Variants in PAFAH1B1 observed in about 807,000 individuals in gnomAD.
PAFAH1B1 encodes platelet activating factor acetylhydrolase 1b regulatory subunit 1, also known as platelet-activating factor acetylhydrolase IB subunit beta.
In PAFAH1B1, 2 loss-of-function variants were observed where a neutral mutation model predicts 57.5. The ratio of observed to expected loss-of-function variants is 0.03; its 90% CI spans 0.01 to 0.11. PAFAH1B1 has a LOEUF of 0.11. PAFAH1B1 is among the 10% of genes least tolerant of loss of function. The pLI, the probability that PAFAH1B1 is intolerant of heterozygous loss-of-function variation, is 1.00. For missense variants in PAFAH1B1, 257 were observed against 512.0 expected, an observed-to-expected ratio of 0.50 and a Z score of 4.81; for synonymous variants, 152 against 169.6, an observed-to-expected ratio of 0.90 and a Z score of 0.81.
chr17:2,659,437 T>C, intron 2 of PAFAH1B1: 2 of 278,326 alleles, frequency 7.2e-6, no homozygotes, highest in Admixed American at 4.5e-5. Context: ...CTCGGGAGGC[T>C]GAGCCAGGAG....
At chr17:2,597,455 G>T (rs1211020500) in intron 1 of PAFAH1B1, among the ~76,000 whole-genome samples, 1 of 127,378 alleles carries the variant, frequency 7.9e-6, no homozygotes, top group African/African-American at 3.0e-5. Flanking sequence ...CTGTTGCCCA[G>T]GCTAGAGTGC....
chr17:2,649,595 G>A (rs2151643205), intron 2 of PAFAH1B1, among the ~76,000 whole-genome samples: 1 of 152,036 alleles, frequency 6.6e-6, no homozygotes, highest in Admixed American at 6.6e-5. Context: ...ATAATAAACT[G>A]TTCTTGTTGT....
intron 1 of PAFAH1B1, among the ~76,000 whole-genome samples, chr17:2,623,557 CA>C (rs1334543591): frequency 2.0e-5 from 3 of 148,612 alleles, no homozygotes; most frequent in Admixed American, 1.3e-4. Flanking sequence ...TGCGTCTGGC[CA>C]AAAAATGTTG....
chr17:2,674,036 G>T, intron 7 of PAFAH1B1, 24 bp from the exon 8 acceptor site: 1 of 1,504,672 alleles, frequency 6.6e-7, no homozygotes, highest in Non-Finnish European at 9.2e-7. Flanking sequence ...CATTCACAGT[G>T]TAAGTTATTA....
At chr17:2,657,708 C>A (rs141344518) in intron 2 of PAFAH1B1, among the ~76,000 whole-genome samples, 1,752 of 152,294 alleles carry the variant, frequency 0.012, 34 homozygotes, top group African/African-American at 0.04. Context: ...CATTCAGTCT[C>A]ATTTCTCTCG....
chr17:2,614,402 A>G (rs1438568478), intron 1 of PAFAH1B1, among the ~76,000 whole-genome samples: 1 of 152,164 alleles, frequency 6.6e-6, no homozygotes, highest in Non-Finnish European at 1.5e-5. Context: ...CACAAAACCT[A>G]AAATACTTAC....
At chr17:2,606,810 C>CTTTTT (rs770011553) in intron 1 of PAFAH1B1, among the ~76,000 whole-genome samples, 11 of 101,706 alleles carry the variant, frequency 1.1e-4, no homozygotes, top group East Asian at 5.5e-4. Flanking sequence ...TGCCTCAGAG[C>CTTTTT]TTTTTTTTTT....
chr17:2,622,391 A>C (rs2068435334), intron 1 of PAFAH1B1, among the ~76,000 whole-genome samples: 1 of 152,194 alleles, frequency 6.6e-6, no homozygotes, highest in Admixed American at 6.6e-5. Context: ...GGTATTGGGT[A>C]AATGCAGCCA....
At position 2,681,798 on chromosome 17, in the gene PAFAH1B1, G is replaced by A. The variant is rs1377109322; in HGVS notation, c.1229G>A (p.Arg410His). 3.1e-6 allele frequency: 5 copies of A among 1,610,058 alleles called. No individual in the cohort carries two copies. Among genetic ancestry groups the A allele is most frequent in the Non-Finnish European group, 3.4e-6 (4 of 1,178,110 alleles). Residue 410 changes from arginine (R) to histidine (H), a missense_variant, in exon 11 of 11, where the codon CGT becomes CAT. Arg to His is a conservative substitution (Grantham distance 29, BLOSUM62 0). Transcript: ENST00000397195. ...CAAACAGTAAAAGTGTGGGAGTGCC[G>A]TTGATTGTGTCTCCTTCGGCCCCTC... ...VDQTVKVWEC[R>H] is the part of the protein sequence containing the mutation.
chr17:2,676,925 G>C (rs1281619868), intron 9 of PAFAH1B1, among the ~76,000 whole-genome samples: 1 of 152,194 alleles, frequency 6.6e-6, no homozygotes, highest in African/African-American at 2.4e-5. Context: ...CACTTTGGGA[G>C]GCCGAGGCGG....
In PAFAH1B1 at chr17:2,680,333, C is replaced by T. The variant is rs201338748; in HGVS notation, c.1159+13C>T. 6.7e-5 allele frequency: 108 copies of T among 1,612,048 alleles called. No homozygotes were observed. The highest frequency in any genetic ancestry group is 6.7e-5 in the Admixed American group (4 of 59,984). On this transcript the variant is annotated intron_variant, in intron 10 of 10. Coordinates refer to ENST00000397195, the MANE Select transcript of PAFAH1B1 (RefSeq NM_000430.4). Reference sequence around the variant, plus strand: ...GTTACCTCCTTGGGTATGTACGCCTCGCGAGGTCTCTGAACATTAGATTTT... The same window carrying T: ...GTTACCTCCTTGGGTATGTACGCCTTGCGAGGTCTCTGAACATTAGATTTT...
intron 9 of PAFAH1B1, among the ~76,000 whole-genome samples, chr17:2,677,328 G>A (rs2069286130): frequency 6.6e-6 from 1 of 152,114 alleles, no homozygotes; most frequent in Non-Finnish European, 1.5e-5. Flanking sequence ...TTATTTAGGA[G>A]CATCTGTATT....
rs1277451464 is a variant in PAFAH1B1, at chr17:2,685,284, TC to T, written c.*3485del. 6.6e-6 allele frequency: 1 copy of T among 152,640 alleles called. No homozygotes were observed. Among genetic ancestry groups the T allele is most frequent in the Non-Finnish European group, 1.5e-5 (1 of 68,050 alleles). 9.5% of individuals were successfully genotyped at this position (152,640 alleles called of 1,614,324 possible). A position where few individuals can be genotyped will look rare whatever the true frequency, so the allele number is the denominator to read the frequency against. ...GCTTGTACTGTCCATCCTTCAGGCA[TC>T]CCTAAAGCTCACTCTGAAGATGTTA... On this transcript the variant is annotated 3_prime_UTR_variant, in exon 11 of 11. Transcript: ENST00000397195.
intron 5 of PAFAH1B1, among the ~76,000 whole-genome samples, chr17:2,668,006 C>A (rs916236001): frequency 2.6e-5 from 4 of 151,822 alleles, no homozygotes; most frequent in African/African-American, 9.7e-5. Flanking sequence ...AAGTAAGTTA[C>A]AGATATTAAG....
chr17:2,652,450 A>G (rs1218680381), intron 2 of PAFAH1B1, among the ~76,000 whole-genome samples: 1 of 152,110 alleles, frequency 6.6e-6, no homozygotes, highest in Non-Finnish European at 1.5e-5. Flanking sequence ...ACATTTCTCC[A>G]TGTGTTTTCA....
intron 10 of PAFAH1B1, 145 bp from the exon 11 acceptor site, chr17:2,681,583 TC>T: frequency 1.6e-6 from 1 of 643,012 alleles, no homozygotes; most frequent in Non-Finnish European, 2.8e-6. Flanking sequence ...TGCATCAGTC[TC>T]CCGAGTAGCT....
intron 2 of PAFAH1B1, among the ~76,000 whole-genome samples, chr17:2,664,694 T>TCTCTCTCTCTCTC (rs1567554200): frequency 5.6e-4 from 64 of 114,534 alleles, no homozygotes; most frequent in African/African-American, 1.7e-3. Flanking sequence ...CTCTCTCTCT[T>TCTCTCTCTCTCTC]TCTCTCTCCA....
chr17:2,643,444 T>G (rs1472206900), intron 2 of PAFAH1B1, among the ~76,000 whole-genome samples: 3 of 152,120 alleles, frequency 2.0e-5, no homozygotes, highest in African/African-American at 7.2e-5. Context: ...TTCTTTAGTT[T>G]TTGTAGAGAT....
At chr17:2,621,846 A>G (rs1351955962) in intron 1 of PAFAH1B1, among the ~76,000 whole-genome samples, 1 of 152,078 alleles carries the variant, frequency 6.6e-6, no homozygotes, top group Non-Finnish European at 1.5e-5. Context: ...CACGTTGCTG[A>G]TAAAGGCATA....
Sources: allele counts gnomAD v4.1 joint callset (sites outside exome capture counted in the v4.1 genomes callset), GRCh38; gene constraint gnomAD v4.1.1; transcripts MANE v1.5; gene names NCBI Gene and HGNC (gene_info 2026-07-23, HGNC 2026-07-21).